The following CFAP161 variants were observed in gnomAD, a reference collection of about 807,000 sequenced individuals.
CFAP161 encodes cilia- and flagella-associated protein 161.
CFAP161 carries 25 observed loss-of-function variants against 29.0 expected under a neutral mutation model. The observed-to-expected ratio is 0.86, with a 90% CI of 0.63 to 1.20. CFAP161 has a LOEUF of 1.20. CFAP161 is among the 50% of genes most tolerant of loss of function. The probability of loss-of-function intolerance (pLI) is 0.00; values close to 1 mark genes in which losing one functional copy is unlikely to be tolerated. For synonymous variants in CFAP161, 116 were observed against 137.4 expected, an observed-to-expected ratio of 0.84 and a Z score of 1.09; for missense variants, 367 against 371.9, an observed-to-expected ratio of 0.99 and a Z score of 0.11.
At chr15:81,136,097 A>G (rs1248658600) in intron 2 of CFAP161, among the ~76,000 whole-genome samples, 1 of 152,258 alleles carries the variant, frequency 6.6e-6, no homozygotes, top group Non-Finnish European at 1.5e-5. Flanking sequence ...TTGGAAAATA[A>G]CAGTTTTTAA....
chr15:81,131,726 A>C (rs1419353289), upstream of CFAP161, among the ~76,000 whole-genome samples: 1 of 152,186 alleles, frequency 6.6e-6, no homozygotes, highest in East Asian at 1.9e-4. Flanking sequence ...ACATGATGGG[A>C]GTTTCATAAA....
At chr15:81,100,735 G>A (rs1483797826) in intron 1 of CFAP161, among the ~76,000 whole-genome samples, 2 of 142,814 alleles carry the variant, frequency 1.4e-5, no homozygotes, top group African/African-American at 2.6e-5. Flanking sequence ...ACACAGGCTC[G>A]CCATGTTGGC....
chr15:81,117,489 C>T (rs575840809), intron 1 of CFAP161: 1 of 158,044 alleles, frequency 6.3e-6, no homozygotes, highest in Admixed American at 6.6e-5. Flanking sequence ...TGTCACAGAA[C>T]CTATTCTTTG....
At chr15:81,101,243 G>A (rs903618788) in intron 1 of CFAP161, among the ~76,000 whole-genome samples, 13 of 152,084 alleles carry the variant, frequency 8.5e-5, no homozygotes, top group African/African-American at 3.1e-4. Context: ...AATAAAGGTG[G>A]TGGTGGTGGC....
At chr15:81,116,272 T>C (rs1027024108) in intron 1 of CFAP161, among the ~76,000 whole-genome samples, 1 of 152,154 alleles carries the variant, frequency 6.6e-6, no homozygotes, top group Admixed American at 6.5e-5. Context: ...TGGAGTCATT[T>C]CTTTTTTAAA....
Position 81,138,110 on chromosome 15 carries a change from T to C in CFAP161, c.452T>C (p.Ile151Thr), listed in dbSNP as rs1894843502. 2 of 1,612,966 alleles carry C rather than the reference T, an allele frequency of 1.2e-6. No homozygotes were observed. The highest frequency in any genetic ancestry group is 2.2e-5 in the South Asian group (2 of 91,060). ...LRYGQDFCLG[I>T]TGGFDNKMLY... ...TATGGGCAGGACTTTTGCCTGGGGA[T>C]AACAGGAGGATTTGACAACAAAATG... Residue 151 changes from isoleucine to threonine, a missense_variant, in exon 4 of 7, where the codon ATA becomes ACA. Transcript: ENST00000286732.
intron 1 of CFAP161, among the ~76,000 whole-genome samples, chr15:81,108,234 A>G (rs936183273): frequency 6.6e-6 from 1 of 152,244 alleles, no homozygotes; most frequent in African/African-American, 2.4e-5. Context: ...AAATTGCAGA[A>G]AAATAGAAAT....
intron 1 of CFAP161, among the ~76,000 whole-genome samples, chr15:81,121,650 A>T (rs188071189): frequency 7.3e-4 from 111 of 152,306 alleles, no homozygotes; most frequent in African/African-American, 2.6e-3. Context: ...GTTACATATC[A>T]GTATTTTAGA....
At chr15:81,110,420 A>G (rs866007668) in intron 1 of CFAP161, among the ~76,000 whole-genome samples, 1 of 152,146 alleles carries the variant, frequency 6.6e-6, no homozygotes, top group Admixed American at 6.5e-5. Context: ...TATGCCACTT[A>G]GAAGTCTGAA....
chr15:81,134,245 T>C (rs1010427600), upstream of CFAP161: 6 of 1,490,338 alleles, frequency 4.0e-6, no homozygotes, highest in Non-Finnish European at 4.6e-6. Flanking sequence ...CCTTGACCAA[T>C]CGCCTGGGGC....
chr15:81,108,245 G>T (rs1320090510), intron 1 of CFAP161, among the ~76,000 whole-genome samples: 1 of 152,042 alleles, frequency 6.6e-6, no homozygotes, highest in Non-Finnish European at 1.5e-5. Flanking sequence ...AAATAGAAAT[G>T]GACCCAAACA....
chr15:81,102,511 A>T (rs57587540), intron 1 of CFAP161, among the ~76,000 whole-genome samples: 14,073 of 152,214 alleles, frequency 0.092, 1,738 homozygotes, highest in African/African-American at 0.29. Context: ...TCTACAAAAA[A>T]AAAAATAAAA....
At position 81,109,492 on chromosome 15, in the gene CFAP161, G is replaced by C; in HGVS notation, c.-141-18098G>C. 1.3e-5 allele frequency among the ~76,000 whole-genome samples: 2 copies of C among 152,164 alleles called. 1 individual carries two copies. The highest frequency in any genetic ancestry group is 2.9e-5 in the Non-Finnish European group (2 of 68,020). ...TGTTCAACTTTGCTTTTTTCGGTTAGAATTGTATGTGCTCCAGCCTGGGCA... is the reference window on the plus strand; with the variant it reads ...TGTTCAACTTTGCTTTTTTCGGTTACAATTGTATGTGCTCCAGCCTGGGCA... On this transcript the variant is annotated intron_variant, in intron 1 of 4. Coordinates refer to the CFAP161 transcript ENST00000560091.
chr15:81,108,008 G>A (rs866419512), intron 1 of CFAP161, among the ~76,000 whole-genome samples: 3 of 150,782 alleles, frequency 2.0e-5, no homozygotes, highest in East Asian at 2.0e-4. Flanking sequence ...CCGTTTCCTC[G>A]TCTGTGAAAC....
At chr15:81,116,753 A>T (rs1326394782) in intron 1 of CFAP161, among the ~76,000 whole-genome samples, 1 of 152,150 alleles carries the variant, frequency 6.6e-6, no homozygotes, top group East Asian at 1.9e-4. Flanking sequence ...CTTGTTTCTT[A>T]AAATTTGTCT....
chr15:81,116,485 T>C (rs186166178), intron 1 of CFAP161, among the ~76,000 whole-genome samples: 358 of 152,286 alleles, frequency 2.4e-3, no homozygotes, highest in Middle Eastern at 6.8e-3. Context: ...TTGGTAGAGA[T>C]GGGGTTTCAC....
Position 81,148,584 on chromosome 15 carries a change from C to A in CFAP161, c.*51C>A. 1 of 1,526,366 alleles carries A rather than the reference C, an allele frequency of 6.6e-7. No homozygotes were observed. Among genetic ancestry groups the A allele is most frequent in the South Asian group, 1.3e-5 (1 of 79,442 alleles). The allele number at this position is 1,526,366 out of a possible 1,614,324, so 94.6% of individuals were successfully genotyped here. A position where few individuals can be genotyped will look rare whatever the true frequency, so the allele number is the denominator to read the frequency against. ...CTGGTCCCGCTCTCATCAAATGTAG[C>A]TTTAAAAGAAATTAACAACCTTGGT... On this transcript the variant is annotated 3_prime_UTR_variant, in exon 7 of 7. Coordinates refer to ENST00000286732, the MANE Select transcript of CFAP161 (RefSeq NM_173528.4).
Position 81,136,497 on chromosome 15 carries a change from AC to A in CFAP161, c.160-18del, listed in dbSNP as rs1174902456. On this transcript the variant is annotated intron_variant, in intron 2 of 6. Coordinates refer to ENST00000286732, the MANE Select transcript of CFAP161 (RefSeq NM_173528.4). Reference sequence around the variant, plus strand: ...AGGAATTGCATGGTTTATGTAATAAACTACTATCAAAATTGTAGATGCAACT... The same window carrying A: ...AGGAATTGCATGGTTTATGTAATAAATACTATCAAAATTGTAGATGCAACT... The A allele has an allele frequency of 5.0e-6, 8 of 1,608,086 alleles. No homozygotes were observed. The highest frequency in any genetic ancestry group is 6.0e-6 in the Non-Finnish European group (7 of 1,174,668).
chr15:81,116,544 G>A (rs1049327186), intron 1 of CFAP161, among the ~76,000 whole-genome samples: 1 of 152,180 alleles, frequency 6.6e-6, no homozygotes, highest in Non-Finnish European at 1.5e-5. Context: ...TGATCCACCC[G>A]CCTCAGCCTC....
Sources: gnomAD v4.1 joint callset for allele counts (sites outside exome capture counted in the v4.1 genomes callset) on GRCh38, gnomAD v4.1.1 for gene constraint, MANE v1.5 for transcripts, NCBI Gene and HGNC (gene_info 2026-07-23, HGNC 2026-07-21) for gene names.